OSBPL1A: variants seen among roughly 807,000 people sequenced by gnomAD.
OSBPL1A encodes oxysterol binding protein like 1A.
OSBPL1A carries 80 observed loss-of-function variants against 137.1 expected under a neutral mutation model. The observed-to-expected ratio is 0.58, with a 90% CI of 0.49 to 0.70. The LOEUF is 0.70. Among genes scored for constraint, OSBPL1A ranks in the 30% least tolerant of loss-of-function variants. The pLI, the probability that OSBPL1A is intolerant of heterozygous loss-of-function variation, is 0.00. For missense variants in OSBPL1A, 970 were observed against 1,129.4 expected (o/e 0.86, Z 2.02); for synonymous variants, 365 against 389.7 (o/e 0.94, Z 0.75).
intron 14 of OSBPL1A, among the ~76,000 whole-genome samples, chr18:24,286,815 G>C (rs538937298): frequency 6.6e-6 from 1 of 152,320 alleles, no homozygotes; most frequent in Non-Finnish European, 1.5e-5. Context: ...TCATCTGCCA[G>C]TTATGGAGTG....
chr18:24,210,597 G>A (rs1271633891), intron 17 of OSBPL1A, among the ~76,000 whole-genome samples: 3 of 149,522 alleles, frequency 2.0e-5, no homozygotes, highest in Non-Finnish European at 4.4e-5. Flanking sequence ...ACGGTGGCAC[G>A]ATCATGACTC....
intron 9 of OSBPL1A, 114 bp downstream of exon 9, chr18:24,318,487 G>A: frequency 2.3e-6 from 2 of 875,910 alleles, no homozygotes; most frequent in Middle Eastern, 3.5e-4. Flanking sequence ...TACGATCCAA[G>A]AGCGATTAAA....
chr18:24,320,811 T>A (rs1486144501), intron 7 of OSBPL1A, among the ~76,000 whole-genome samples: 2 of 151,968 alleles, frequency 1.3e-5, no homozygotes, highest in African/African-American at 4.8e-5. Context: ...GCAGATCACC[T>A]TAGGTCAGGA....
At chr18:24,281,387 T>A (rs1049589620) in intron 14 of OSBPL1A, among the ~76,000 whole-genome samples, 1 of 150,652 alleles carries the variant, frequency 6.6e-6, no homozygotes. Context: ...CCCGGCTTTT[T>A]TTTTTTATTT....
In OSBPL1A at chr18:24,165,131, C is replaced by A. The variant is rs146283775; in HGVS notation, c.2684G>T (p.Arg895Leu). Residue 895 changes from arginine to leucine, a missense_variant, in exon 27 of 28, where the codon CGA becomes CTA. Physicochemically the swap from Arg to Leu is moderately radical, Grantham distance 102 (BLOSUM62 -2). Around this residue, in one of 2 missense-constraint regions of OSBPL1A, gnomAD observed 323 missense variants for 456.8 expected, o/e 0.71. Transcript: ENST00000319481. Reference sequence around the variant, plus strand: ...GGCTGCTCTTTGTTTTTCCTCAAGTCGTTTTTTTTCTTCACTAGCTTGATC... The same window carrying A: ...GGCTGCTCTTTGTTTTTCCTCAAGTAGTTTTTTTTCTTCACTAGCTTGATC... ...EIDQASEEKK[R>L]LEEKQRAARK... 3.1e-6 allele frequency: 5 copies of A among 1,613,834 alleles called. No individual in the cohort carries two copies. The highest frequency in any genetic ancestry group is 4.2e-6 in the Non-Finnish European group (5 of 1,179,948).
rs1326346491 is a variant in OSBPL1A, at chr18:24,334,717, C to T, written c.395-387G>A. ...AGCACTGATAGAAAGATGTACATGT[C>T]GTATAAATATATGCAGACATACCAA... On this transcript the variant is annotated intron_variant, in intron 5 of 27. Coordinates refer to ENST00000319481, the MANE Select transcript of OSBPL1A (RefSeq NM_080597.4). 3.3e-5 allele frequency among the ~76,000 whole-genome samples: 5 copies of T among 152,048 alleles called. No individual in the cohort carries two copies. The South Asian group carries it at 6.2e-4, about 19-fold the overall frequency.
At chr18:24,377,645 A>G (rs2146205562) in intron 1 of OSBPL1A, 110 bp from the exon 2 acceptor site, 2 of 1,090,764 alleles carry the variant, frequency 1.8e-6, no homozygotes, top group East Asian at 2.6e-5. Flanking sequence ...AGCTGATAAG[A>G]CAGACACAAC....
At chr18:24,213,461 C>T (rs2087603670) in intron 17 of OSBPL1A, among the ~76,000 whole-genome samples, 1 of 151,878 alleles carries the variant, frequency 6.6e-6, no homozygotes, top group South Asian at 2.1e-4. Flanking sequence ...CCCAGCAATC[C>T]CAGCTACTCA....
At chr18:24,316,077 A>T (rs1481062465) in intron 11 of OSBPL1A, among the ~76,000 whole-genome samples, 2 of 151,100 alleles carry the variant, frequency 1.3e-5, no homozygotes, top group Non-Finnish European at 2.9e-5. Flanking sequence ...CCTAACCAAC[A>T]TGGCAAAACC....
At chr18:24,366,815 G>C (rs985561214) in intron 4 of OSBPL1A, 77 bp downstream of exon 4, 2 of 1,432,492 alleles carry the variant, frequency 1.4e-6, no homozygotes, top group African/African-American at 2.8e-5. Context: ...TGGTCAGATG[G>C]TTATAACAGA....
At chr18:24,368,443 A>T in intron 2 of OSBPL1A, 71 bp from the exon 3 acceptor site, 3 of 1,112,050 alleles carry the variant, frequency 2.7e-6, no homozygotes, top group South Asian at 1.3e-5. Flanking sequence ...TAACTTCTCC[A>T]TAACAAGCTA....
intron 26 of OSBPL1A, among the ~76,000 whole-genome samples, chr18:24,165,610 T>C (rs1291290901): frequency 6.6e-6 from 1 of 152,214 alleles, no homozygotes; most frequent in Non-Finnish European, 1.5e-5. Flanking sequence ...TATAACATGT[T>C]AGATGTGCTG....
chr18:24,330,498 T>G (rs920877756), intron 7 of OSBPL1A, among the ~76,000 whole-genome samples: 3 of 152,184 alleles, frequency 2.0e-5, no homozygotes, highest in African/African-American at 7.2e-5. Context: ...TTTTTTTTTT[T>G]TTTGAGACAG....
chr18:24,381,460 T>C (rs1239010837), intron 1 of OSBPL1A, among the ~76,000 whole-genome samples: 3 of 152,198 alleles, frequency 2.0e-5, no homozygotes. Context: ...TTTGGCCAAG[T>C]AAAGAATCTC....
intron 1 of OSBPL1A, among the ~76,000 whole-genome samples, chr18:24,396,689 G>A (rs1306203924): frequency 1.3e-5 from 2 of 151,086 alleles, no homozygotes; most frequent in Non-Finnish European, 2.9e-5. Flanking sequence ...TTGGGGTGGG[G>A]AGGGAGGGGG....
In OSBPL1A at chr18:24,368,311, T is replaced by A. The variant is rs774307553; in HGVS notation, c.183A>T (p.Arg61Ser). The A allele has an allele frequency of 6.2e-7, 1 of 1,613,372 alleles. No individual in the cohort carries two copies. The highest frequency in any genetic ancestry group is 8.5e-7 in the Non-Finnish European group (1 of 1,179,336). ...CCTTCAACAGATCCTGGACCACTTGTCTGTGTCCAAAATAGCATGCCAGAT... is the reference window on the plus strand; with the variant it reads ...CCTTCAACAGATCCTGGACCACTTGACTGTGTCCAAAATAGCATGCCAGAT... ...PLHLACYFGH[R>S]QVVQDLLKAG... Residue 61 changes from arginine to serine, a missense_variant, in exon 3 of 28, where the codon AGA becomes AGT. This residue lies in a region of OSBPL1A where 647 missense variants were observed against 672.6 expected (regional missense o/e 0.96). Transcript: ENST00000319481.
Position 24,379,713 on chromosome 18 carries a change from A to T in OSBPL1A, c.-2-2178T>A, listed in dbSNP as rs117616224. 1.2e-3 allele frequency among the ~76,000 whole-genome samples: 189 copies of T among 151,750 alleles called. 3 individuals carry two copies. In the East Asian group the frequency reaches 0.029, roughly 23 times the overall value. ...ACCTCATCTCTACTAAAAATAAAAA[A>T]AAAAAATTTAGCCAGGTGTGGTAGG... is the stretch of plus-strand genomic sequence containing the variant. On this transcript the variant is annotated intron_variant, in intron 1 of 27. Transcript: ENST00000319481.
intron 17 of OSBPL1A, among the ~76,000 whole-genome samples, chr18:24,205,337 G>A (rs2087338494): frequency 6.6e-6 from 1 of 152,120 alleles, no homozygotes; most frequent in Non-Finnish European, 1.5e-5. Context: ...ATGAAACAAT[G>A]CATACAGAGA....
intron 2 of OSBPL1A, among the ~76,000 whole-genome samples, chr18:24,376,964 T>A (rs922042103): frequency 6.6e-5 from 10 of 152,058 alleles, no homozygotes; most frequent in African/African-American, 2.4e-4. Context: ...CGCTAGCGCC[T>A]CTCCTTCCAC....
Sources: gnomAD v4.1 joint callset for allele counts (sites outside exome capture counted in the v4.1 genomes callset) on GRCh38, gnomAD v4.1.1 for gene constraint, gnomAD v4.1.1 regional missense constraint, MANE v1.5 for transcripts, NCBI Gene and HGNC (gene_info 2026-07-23, HGNC 2026-07-21) for gene names.